The following IQCH variants were observed in gnomAD, a reference collection of about 807,000 sequenced individuals.
The protein encoded by IQCH is IQ motif containing H.
In IQCH, 98 loss-of-function variants were observed where a neutral mutation model predicts 117.0. The observed-to-expected ratio is 0.84, with a 90% CI of 0.71 to 0.99. The LOEUF is 0.99. Ranked by LOEUF, IQCH falls within the 50% of genes least tolerant of loss-of-function variation. The pLI is 0.00. For synonymous variants in IQCH, 412 were observed against 448.2 expected, an observed-to-expected ratio of 0.92 and a Z score of 1.02; for missense variants, 1,102 against 1,243.8, an observed-to-expected ratio of 0.89 and a Z score of 1.72.
intron 18 of IQCH, among the ~76,000 whole-genome samples, chr15:67,489,324 C>T (rs1366918406): frequency 1.3e-5 from 2 of 150,660 alleles, no homozygotes; most frequent in East Asian, 2.0e-4. Context: ...TGAGCCACCG[C>T]GCCCGGCCAA....
In IQCH at chr15:67,388,025, A is replaced by G. The variant is rs750328227; in HGVS notation, c.1457-806A>G. 1.3e-5 allele frequency among the ~76,000 whole-genome samples: 2 copies of G among 152,194 alleles called. No homozygotes were observed. The highest frequency in any genetic ancestry group is 2.9e-5 in the Non-Finnish European group (2 of 68,034). ...TTAGCCAAGGGCTTTGCCCCTACAG[A>G]TCAGTCAGCTATTTTGTGAATGAAT... On this transcript the variant is annotated intron_variant, in intron 11 of 20. Transcript: ENST00000335894. The surrounding 1 kb of genome is among the most constrained non-coding windows in gnomAD (Gnocchi z 5.5).
chr15:67,358,722 C>T (rs945721169), intron 7 of IQCH, among the ~76,000 whole-genome samples: 1 of 152,168 alleles, frequency 6.6e-6, no homozygotes, highest in Non-Finnish European at 1.5e-5. Context: ...CAGCTGCTCT[C>T]ATAAGAAAAG....
rs1463706687 is a variant in IQCH at position 67,473,308 on chromosome 15, C to A, written c.2677-2388C>A. On this transcript the variant is annotated intron_variant, in intron 17 of 20. Coordinates refer to ENST00000335894, the MANE Select transcript of IQCH (RefSeq NM_001031715.3). The surrounding 1 kb of genome is among the most constrained non-coding windows in gnomAD (Gnocchi z 4.9). ...GCCCAGTATGGCAGGGCGAGCAGGCCTTGTGGCCATGCCCTTCCAGACAGA... is the reference window on the plus strand; with the variant it reads ...GCCCAGTATGGCAGGGCGAGCAGGCATTGTGGCCATGCCCTTCCAGACAGA... Among the ~76,000 whole-genome samples, 1 of 152,232 alleles carries A rather than the reference C, an allele frequency of 6.6e-6. No homozygotes were observed. Among genetic ancestry groups the A allele is most frequent in the Admixed American group, 6.5e-5 (1 of 15,290 alleles).
chr15:67,454,277 G>A lies in IQCH; in HGVS notation c.2506-10850G>A, dbSNP rs1005059626. On this transcript the variant is annotated intron_variant, in intron 16 of 20. Coordinates refer to ENST00000335894, the MANE Select transcript of IQCH (RefSeq NM_001031715.3). This position sits in a 1 kb window ranked among gnomAD's most constrained non-coding sequence, Gnocchi z 5.2. The stretch of plus-strand genomic sequence containing the variant: ...GGCACTCCCCAGTGAGATGAACCCG[G>A]TACCTCAGTTGGAAATGCAGAAATC... 2.0e-5 allele frequency among the ~76,000 whole-genome samples: 3 copies of A among 152,140 alleles called. No individual in the cohort carries two copies. The highest frequency in any genetic ancestry group is 6.5e-5 in the Admixed American group (1 of 15,274).
rs578083469 is a variant in IQCH at position 67,367,745 on chromosome 15, A to G, written c.754-4366A>G. On this transcript the variant is annotated intron_variant, in intron 8 of 20. Coordinates refer to ENST00000335894, the MANE Select transcript of IQCH (RefSeq NM_001031715.3). ...GGGTCAGCATGAGGTAGGGTGGGGA[A>G]GAGAAAACACCCGATGGGAAGGAAG... 1.6e-4 allele frequency among the ~76,000 whole-genome samples: 24 copies of G among 152,210 alleles called. No homozygotes were observed. The South Asian group carries it at 5.0e-3, about 32-fold the overall frequency.
Position 67,445,602 on chromosome 15 carries a change from C to A in IQCH, c.2506-19525C>A, listed in dbSNP as rs1257713688. ...TGCAGGTGTGTGCCACCACACCAGGCTAATTTTTATATTTTTAGTAGAGAC... is the reference window on the plus strand; with the variant it reads ...TGCAGGTGTGTGCCACCACACCAGGATAATTTTTATATTTTTAGTAGAGAC... On this transcript the variant is annotated intron_variant, in intron 16 of 20. Coordinates refer to ENST00000335894, the MANE Select transcript of IQCH (RefSeq NM_001031715.3). This position sits in a 1 kb window ranked among gnomAD's most constrained non-coding sequence, Gnocchi z 4.3. Among the ~76,000 whole-genome samples, 1 of 152,106 alleles carries A rather than the reference C, an allele frequency of 6.6e-6. No homozygotes were observed. The highest frequency in any genetic ancestry group is 1.9e-4 in the East Asian group (1 of 5,188).
chr15:67,339,564 A>G (rs954707308), intron 5 of IQCH, among the ~76,000 whole-genome samples: 8 of 152,240 alleles, frequency 5.3e-5, no homozygotes, highest in Non-Finnish European at 8.8e-5. Context: ...AGTAACCTCA[A>G]TATCTACAGA....
intron 6 of IQCH, among the ~76,000 whole-genome samples, chr15:67,351,452 A>G (rs763157291): frequency 1.2e-4 from 18 of 152,198 alleles, no homozygotes; most frequent in East Asian, 3.8e-4. Flanking sequence ...ATCCTTTGGT[A>G]TTGTGAACAG....
At position 67,344,062 on chromosome 15, in the gene IQCH, G is replaced by T; in HGVS notation, c.509-1G>T. On this transcript the variant is annotated splice_acceptor_variant, in intron 5 of 20. Transcript: ENST00000335894. LOFTEE classifies it high-confidence loss of function. ...CACATTTTATTAATGTTTCTTTTTA[G>T]GGATTTTAAGTATGATAGAACGAGG... is the stretch of plus-strand genomic sequence containing the variant. The T allele has an allele frequency of 1.2e-6, 2 of 1,609,840 alleles. No homozygotes were observed. Among genetic ancestry groups the T allele is most frequent in the Non-Finnish European group, 1.7e-6 (2 of 1,178,046 alleles).
chr15:67,298,823 G>T (rs1473102263), intron 4 of IQCH, among the ~76,000 whole-genome samples: 3 of 151,836 alleles, frequency 2.0e-5, no homozygotes, highest in Non-Finnish European at 4.4e-5. Flanking sequence ...CAGAGATTGT[G>T]CCACTGTGCT....
intron 10 of IQCH, among the ~76,000 whole-genome samples, chr15:67,377,700 C>G (rs1207057977): frequency 6.6e-6 from 1 of 152,154 alleles, no homozygotes; most frequent in African/African-American, 2.4e-5. Context: ...GTATATGAAG[C>G]CACTGCCAGC....
rs1322934262 is a variant in IQCH, at chr15:67,370,593, C to T, written c.754-1518C>T. Among the ~76,000 whole-genome samples the T allele has an allele frequency of 2.0e-5, 3 of 152,212 alleles. No individual in the cohort carries two copies. Among genetic ancestry groups the T allele is most frequent in the Non-Finnish European group, 4.4e-5 (3 of 68,046 alleles). On this transcript the variant is annotated intron_variant, in intron 8 of 20. Transcript: ENST00000335894. This position sits in a 1 kb window ranked among gnomAD's most constrained non-coding sequence, Gnocchi z 5.6. ...GCTGAAGGGGGCATTACTTCTCCAA[C>T]TTTCTCTTGCCCATCCAAGAAGAAG...
Position 67,400,304 on chromosome 15 carries a change from A to G in IQCH, c.2096A>G (p.Gln699Arg), listed in dbSNP as rs760506021. The change falls in exon 14 of 21, where the codon CAA becomes CGA. Residue 699 changes from glutamine (Q) to arginine (R), a missense_variant and splice_region_variant. This residue lies in a region of IQCH where 650 missense variants were observed against 794.3 expected (regional missense o/e 0.82). Coordinates refer to ENST00000335894, the MANE Select transcript of IQCH (RefSeq NM_001031715.3). ...GAAGACTGGAGAAAGAAATGGGCAC[A>G]AGTGAGTATTCAATGGTGACTTAAA... is the stretch of plus-strand genomic sequence containing the variant. ...GLEDWRKKWA[Q>R]EPALVKISEE... The G allele has an allele frequency of 6.2e-7, 1 of 1,610,664 alleles. No individual in the cohort carries two copies. The highest frequency in any genetic ancestry group is 1.1e-5 in the South Asian group (1 of 91,002).
intron 6 of IQCH, among the ~76,000 whole-genome samples, chr15:67,353,256 TGAAAG>T (rs1023593162): frequency 5.4e-5 from 8 of 148,626 alleles, no homozygotes; most frequent in African/African-American, 1.7e-4. Context: ...GGAAAAAAAA[TGAAAG>T]GAAATAATGA....
intron 16 of IQCH, among the ~76,000 whole-genome samples, chr15:67,444,445 C>T (rs189336480): frequency 1.6e-4 from 25 of 152,258 alleles, no homozygotes; most frequent in African/African-American, 5.8e-4. Flanking sequence ...CCACTTTCTA[C>T]AAGTAGCTAC....
chr15:67,396,335 T>C (rs1971468622), intron 13 of IQCH, among the ~76,000 whole-genome samples: 1 of 151,174 alleles, frequency 6.6e-6, no homozygotes, highest in African/African-American at 2.4e-5. Flanking sequence ...AGGGGAAAGA[T>C]CTCAGAAGGG....
rs1455230267 is a variant in IQCH at position 67,501,443 on chromosome 15, A to G, written c.*697A>G. Reference sequence around the variant, plus strand: ...CTCTGTAGCTTGAATAAACATTTGTATTCTCTAGTTCTCCATTTAATACAG... The same window carrying G: ...CTCTGTAGCTTGAATAAACATTTGTGTTCTCTAGTTCTCCATTTAATACAG... On this transcript the variant is annotated 3_prime_UTR_variant, in exon 21 of 21. Coordinates refer to ENST00000335894, the MANE Select transcript of IQCH (RefSeq NM_001031715.3). This position sits in a 1 kb window ranked among gnomAD's most constrained non-coding sequence, Gnocchi z 5.2. The G allele has an allele frequency of 1.3e-5, 2 of 152,186 alleles. No individual in the cohort carries two copies. Among genetic ancestry groups the G allele is most frequent in the Non-Finnish European group, 2.9e-5 (2 of 68,034 alleles). 9.4% of individuals were successfully genotyped at this position (152,186 alleles called of 1,614,324 possible).
At chr15:67,380,042 G>T (rs961558414) in intron 10 of IQCH, among the ~76,000 whole-genome samples, 4 of 152,062 alleles carry the variant, frequency 2.6e-5, no homozygotes, top group African/African-American at 9.7e-5. Flanking sequence ...AGTAGAGATG[G>T]GGTTTCTCCA....
At chr15:67,349,656 T>C (rs745786651) in intron 6 of IQCH, among the ~76,000 whole-genome samples, 2 of 147,876 alleles carry the variant, frequency 1.4e-5, no homozygotes, top group African/African-American at 5.0e-5. Flanking sequence ...TGAGAGTTAA[T>C]ATTTTAAAAC....
Sources: gnomAD v4.1 joint callset for allele counts (sites outside exome capture counted in the v4.1 genomes callset) on GRCh38, gnomAD v4.1.1 for gene constraint, gnomAD v4.1.1 regional missense constraint, Gnocchi (gnomAD v3.1) non-coding constraint, MANE v1.5 for transcripts, NCBI Gene and HGNC (gene_info 2026-07-23, HGNC 2026-07-21) for gene names.